Variants in ARB2A observed in about 807,000 individuals in gnomAD.
The protein encoded by ARB2A is ARB2 cotranscriptional regulator A, also known as cotranscriptional regulator ARB2A.
At chr5:93,622,576 T>C in the ARB2A span, among the ~76,000 whole-genome samples, 1 of 152,194 alleles carries the variant, frequency 6.6e-6, no homozygotes, top group Non-Finnish European at 1.5e-5. Context: ...CTGGCCCTAC[T>C]AGAGAACCCC....
chr5:94,053,130 A>G, the ARB2A span: 1 of 1,564,396 alleles, frequency 6.4e-7, no homozygotes, highest in South Asian at 1.2e-5. Flanking sequence ...ACTTACTTTC[A>G]TTAAAAGCAT....
At chr5:93,901,764 G>A in the ARB2A span, among the ~76,000 whole-genome samples, 1 of 152,004 alleles carries the variant, frequency 6.6e-6, no homozygotes, top group Admixed American at 6.6e-5. Context: ...CATGATCAAT[G>A]TACAAGGGAA....
At chr5:93,661,551 T>G in the ARB2A span, among the ~76,000 whole-genome samples, 1 of 152,006 alleles carries the variant, frequency 6.6e-6, no homozygotes, top group Non-Finnish European at 1.5e-5. Flanking sequence ...AGTCATCACC[T>G]ATCAGGGGTG....
the ARB2A span, among the ~76,000 whole-genome samples, chr5:93,806,731 A>T: frequency 7.9e-5 from 12 of 151,964 alleles, no homozygotes; most frequent in African/African-American, 2.7e-4. Flanking sequence ...ATTTTACAAA[A>T]CAGAATTATT....
At chr5:93,619,317 G>A in the ARB2A span, 43 of 152,204 alleles carry the variant, frequency 2.8e-4, no homozygotes, top group African/African-American at 8.2e-4. Flanking sequence ...TAAGTAACAC[G>A]AAAATATATG....
At chr5:94,051,492 T>C in the ARB2A span, among the ~76,000 whole-genome samples, 1 of 152,182 alleles carries the variant, frequency 6.6e-6, no homozygotes, top group Non-Finnish European at 1.5e-5. Context: ...GCTTTACTAA[T>C]AATTTCAAGG....
At chr5:93,813,883 C>T in the ARB2A span, among the ~76,000 whole-genome samples, 8 of 152,300 alleles carry the variant, frequency 5.3e-5, no homozygotes, top group East Asian at 5.8e-4. Flanking sequence ...TAACTTAAGC[C>T]TAACTTAATC....
At chr5:93,977,285 G>A in the ARB2A span, among the ~76,000 whole-genome samples, 7 of 151,706 alleles carry the variant, frequency 4.6e-5, no homozygotes, top group Admixed American at 2.6e-4. Context: ...AAGAGACCAA[G>A]TAGTCAAGCC....
the ARB2A span, among the ~76,000 whole-genome samples, chr5:94,079,425 T>C: frequency 1.3e-5 from 2 of 152,308 alleles, no homozygotes; most frequent in Non-Finnish European, 2.9e-5. Context: ...TAAGGCATTG[T>C]GGGCTTTGAA....
At chr5:93,978,092 G>A in the ARB2A span, among the ~76,000 whole-genome samples, 1 of 152,102 alleles carries the variant, frequency 6.6e-6, no homozygotes, top group African/African-American at 2.4e-5. Flanking sequence ...TCAAATGGCT[G>A]TTATTCAAAA....
chr5:93,835,842 C>T, the ARB2A span, among the ~76,000 whole-genome samples: 1 of 152,076 alleles, frequency 6.6e-6, no homozygotes, highest in African/African-American at 2.4e-5. Flanking sequence ...AAAATCTACA[C>T]CTGTTTTACG....
chr5:93,774,671 G>A, the ARB2A span, among the ~76,000 whole-genome samples: 1 of 152,146 alleles, frequency 6.6e-6, no homozygotes, highest in Non-Finnish European at 1.5e-5. Flanking sequence ...GTGCTGAAGT[G>A]CTGTGAAGTG....
chr5:94,030,641 G>A, the ARB2A span, among the ~76,000 whole-genome samples: 1 of 152,198 alleles, frequency 6.6e-6, no homozygotes, highest in African/African-American at 2.4e-5. Context: ...AATCCAGCAT[G>A]CTATGGTTTG....
the ARB2A span, among the ~76,000 whole-genome samples, chr5:93,995,405 G>A: frequency 6.6e-6 from 1 of 152,212 alleles, no homozygotes; most frequent in Non-Finnish European, 1.5e-5. Context: ...AATTAGTGAT[G>A]CTGAAAGTGT....
At chr5:93,650,390 TTAA>T in the ARB2A span, among the ~76,000 whole-genome samples, 1 of 152,132 alleles carries the variant, frequency 6.6e-6, no homozygotes, top group Non-Finnish European at 1.5e-5. Flanking sequence ...CTGGATGGAC[TTAA>T]TAACAGACTG....
At chr5:93,691,437 C>T in the ARB2A span, among the ~76,000 whole-genome samples, 1 of 151,618 alleles carries the variant, frequency 6.6e-6, no homozygotes, top group South Asian at 2.1e-4. Context: ...AGGGATTGAA[C>T]ATCAACTTAA....
At chr5:93,737,887 G>A in the ARB2A span, 1 of 441,032 alleles carries the variant, frequency 2.3e-6, no homozygotes, top group Non-Finnish European at 4.5e-6. Flanking sequence ...AAAATTCATA[G>A]AAGAAAACAC....
At chr5:93,897,855 T>C in the ARB2A span, among the ~76,000 whole-genome samples, 9 of 151,784 alleles carry the variant, frequency 5.9e-5, no homozygotes, top group East Asian at 1.3e-3. Flanking sequence ...ACAAAATGTA[T>C]AAGGCATATG....
chr5:93,788,318 T>C, the ARB2A span, among the ~76,000 whole-genome samples: 1 of 151,990 alleles, frequency 6.6e-6, no homozygotes, highest in Admixed American at 6.6e-5. Flanking sequence ...ATTCATTCGG[T>C]GAGATGAAGA....
Sources: allele counts gnomAD v4.1 joint callset (sites outside exome capture counted in the v4.1 genomes callset), GRCh38; gene constraint gnomAD v4.1.1; transcripts MANE v1.5; gene names NCBI Gene and HGNC (gene_info 2026-07-23, HGNC 2026-07-21).